The following CNTNAP3 variants were observed in gnomAD, a reference collection of about 807,000 sequenced individuals.
The protein encoded by CNTNAP3 is contactin associated protein family member 3, also known as contactin-associated protein-like 3.
CNTNAP3 carries 36 observed loss-of-function variants against 92.1 expected under a neutral mutation model. That is an observed-to-expected ratio of 0.39 (90% CI 0.30 to 0.52). The LOEUF is 0.52. Ranked by LOEUF, CNTNAP3 falls within the 20% of genes least tolerant of loss-of-function variation. The pLI is 0.76. For synonymous variants in CNTNAP3, 232 were observed against 422.3 expected (o/e 0.55, Z 5.53); for missense variants, 534 against 1,069.6 (o/e 0.50, Z 6.98).
intron 23 of CNTNAP3, among the ~76,000 whole-genome samples, chr9:39,076,474 A>C (rs1209708846): frequency 3.3e-5 from 5 of 152,414 alleles, no homozygotes; most frequent in Admixed American, 3.3e-4. Flanking sequence ...TCATCAGGTC[A>C]TGTATTTTTA....
At chr9:39,104,967 T>C (rs1826563414) in intron 15 of CNTNAP3, among the ~76,000 whole-genome samples, 1 of 152,196 alleles carries the variant, frequency 6.6e-6, no homozygotes, top group Admixed American at 6.5e-5. Flanking sequence ...TTTGACACTT[T>C]AAGGTTACAG....
chr9:39,102,034 C>G (rs561355991), intron 17 of CNTNAP3, among the ~76,000 whole-genome samples: 1 of 152,348 alleles, frequency 6.6e-6, no homozygotes, highest in South Asian at 2.1e-4. Context: ...AATCCCAGCA[C>G]TTTGAGAGGC....
rs1564069237 is a variant in CNTNAP3, at chr9:39,086,755, T to A, written c.3315A>T (p.Gln1105His). ...CAGCTTCTTCTCTGTTAATCTTCAC[T>A]TGGTGAAGTTGCCCATCAGCCATGT... Reference protein sequence around the residue: ...FKNMADGQLHQVKINREEAVV... With the variant: ...FKNMADGQLHHVKINREEAVV... The change falls in exon 20 of 24, where the codon CAA becomes CAT. Residue 1105 changes from glutamine to histidine, a missense_variant. Transcript: ENST00000297668. The A allele has an allele frequency of 2.5e-6, 4 of 1,611,190 alleles. No individual in the cohort carries two copies. Among genetic ancestry groups the A allele is most frequent in the Non-Finnish European group, 3.4e-6 (4 of 1,179,650 alleles).
intron 23 of CNTNAP3, among the ~76,000 whole-genome samples, chr9:39,076,302 C>T (rs1417158138): frequency 1.3e-5 from 2 of 152,408 alleles, no homozygotes; most frequent in Non-Finnish European, 1.5e-5. Context: ...TGAAAATGTT[C>T]GGCATGTTGA....
intron 12 of CNTNAP3, 99 bp from the exon 13 acceptor site, chr9:39,133,234 G>A (rs1461683440): frequency 2.1e-6 from 3 of 1,398,806 alleles, no homozygotes; most frequent in Admixed American, 2.0e-5. Flanking sequence ...ACGTTTAATT[G>A]AAATTTACAT....
chr9:39,111,135 A>G (rs868098815), intron 14 of CNTNAP3, among the ~76,000 whole-genome samples: 2,371 of 151,358 alleles, frequency 0.016, 63 homozygotes, highest in African/African-American at 0.054. Context: ...TCAAATCAGG[A>G]TAACTGGGAT....
At chr9:39,281,600 TATCTTAATTATAGCA>T (rs1018958258) in intron 1 of CNTNAP3, among the ~76,000 whole-genome samples, 1 of 5,696 alleles carries the variant, frequency 1.8e-4, no homozygotes, top group African/African-American at 2.6e-4. Context: ...AATTCATAAA[TATCTTAATTATAGCA>T]AATGTGAAGT....
intron 7 of CNTNAP3, chr9:39,174,283 G>T: frequency 8.2e-6 from 2 of 242,908 alleles, no homozygotes; most frequent in Admixed American, 6.7e-5. Flanking sequence ...TCTTCCCTTT[G>T]GTGTTTCCTT....
chr9:39,105,307 G>T (rs1429980745), intron 15 of CNTNAP3, among the ~76,000 whole-genome samples: 1 of 152,092 alleles, frequency 6.6e-6, no homozygotes, highest in South Asian at 2.1e-4. Flanking sequence ...GGTGCCTGTA[G>T]TCCCAGCTAC....
In CNTNAP3 at chr9:39,069,421, C is replaced by T. The variant is rs2118335128; in HGVS notation, c.*4469G>A. Among the ~76,000 whole-genome samples the T allele has an allele frequency of 6.6e-6, 1 of 152,428 alleles. No individual in the cohort carries two copies. Among genetic ancestry groups the T allele is most frequent in the African/African-American group, 2.4e-5 (1 of 41,608 alleles). ...ATTTTTAGGTACCATCACAAGCTAG[C>T]TAAGTTAGAAATTTTCATATCGCAA... On this transcript the variant is annotated 3_prime_UTR_variant, in exon 24 of 24. Transcript: ENST00000297668.
rs1237322632 is a variant in CNTNAP3, at chr9:39,132,796, A to G, written c.2080+136T>C. 11 of 1,035,454 alleles carry G rather than the reference A, an allele frequency of 1.1e-5. No homozygotes were observed. In the East Asian group the frequency reaches 1.2e-4, roughly 12 times the overall value. The allele number at this position is 1,035,454 out of a possible 1,614,324, so 64.1% of individuals were successfully genotyped here. On this transcript the variant is annotated intron_variant, in intron 13 of 23. Coordinates refer to ENST00000297668, the MANE Select transcript of CNTNAP3 (RefSeq NM_033655.5). ...TTGGTCCAACCAAGAGCGGGAAGAG[A>G]AGGAGAGAGTGGTCAGGGCTTTGAA... is the stretch of plus-strand genomic sequence containing the variant.
chr9:39,101,804 G>C (rs1236750452), intron 17 of CNTNAP3, among the ~76,000 whole-genome samples: 7 of 151,928 alleles, frequency 4.6e-5, no homozygotes, highest in African/African-American at 7.2e-5. Flanking sequence ...AATGTCTAAT[G>C]ATCTCACTAA....
chr9:39,095,966 T>G (rs10118445), intron 18 of CNTNAP3, among the ~76,000 whole-genome samples: 1 of 151,466 alleles, frequency 6.6e-6, no homozygotes, highest in African/African-American at 2.4e-5. Flanking sequence ...ACTTTGTCTA[T>G]AAACTCTCTT....
chr9:39,121,705 C>T (rs1304619551), intron 13 of CNTNAP3, among the ~76,000 whole-genome samples: 1 of 152,052 alleles, frequency 6.6e-6, no homozygotes, highest in African/African-American at 2.4e-5. Context: ...AGAGGGTCAA[C>T]ACACCTTCAA....
chr9:39,205,066 G>C (rs1432654030), intron 3 of CNTNAP3, among the ~76,000 whole-genome samples: 1 of 50,496 alleles, frequency 2.0e-5, no homozygotes, highest in Non-Finnish European at 3.1e-5. Context: ...GAGATGGTCA[G>C]TATTTCATTG....
At chr9:39,136,262 T>C (rs1337164580) in intron 12 of CNTNAP3, among the ~76,000 whole-genome samples, 2 of 152,066 alleles carry the variant, frequency 1.3e-5, no homozygotes, top group Non-Finnish European at 2.9e-5. Flanking sequence ...ACGGGGATTG[T>C]CTGCACTTAA....
At chr9:39,119,601 C>T (rs549227341) in intron 13 of CNTNAP3, among the ~76,000 whole-genome samples, 115 of 152,176 alleles carry the variant, frequency 7.6e-4, no homozygotes, top group African/African-American at 2.7e-3. Flanking sequence ...TCCCATATTC[C>T]CCATAAAGTA....
At chr9:39,159,563 C>G (rs532914711) in intron 9 of CNTNAP3, 2 of 136,724 alleles carry the variant, frequency 1.5e-5, no homozygotes, top group East Asian at 4.3e-4. Flanking sequence ...AACTCCTGAT[C>G]TCAGGTGATC....
rs1825619887 is a variant in CNTNAP3 at position 39,070,770 on chromosome 9, C to T, written c.*3120G>A. Among the ~76,000 whole-genome samples, 1 of 152,286 alleles carries T rather than the reference C, an allele frequency of 6.6e-6. No individual in the cohort carries two copies. On this transcript the variant is annotated 3_prime_UTR_variant, in exon 24 of 24. Coordinates refer to ENST00000297668, the MANE Select transcript of CNTNAP3 (RefSeq NM_033655.5). ...TTCACAGTGCATGCCTGTATCAAAA[C>T]ATTTCATGTACTCCATAAATATATA...
Sources: allele counts gnomAD v4.1 joint callset (sites outside exome capture counted in the v4.1 genomes callset), GRCh38; gene constraint gnomAD v4.1.1; transcripts MANE v1.5; gene names NCBI Gene and HGNC (gene_info 2026-07-23, HGNC 2026-07-21).